Variants in TMEM132C observed in about 807,000 individuals in gnomAD.
TMEM132C encodes the protein protein phosphatase 1, regulatory subunit 152.
In TMEM132C, 29 loss-of-function variants were observed where a neutral mutation model predicts 61.4. The observed-to-expected ratio is 0.47, with a 90% CI of 0.35 to 0.64. The LOEUF (loss-of-function observed/expected upper bound fraction) is 0.64. Ranked by LOEUF, TMEM132C falls within the 30% of genes least tolerant of loss-of-function variation. The pLI, the probability that TMEM132C is intolerant of heterozygous loss-of-function variation, is 0.00. For synonymous variants in TMEM132C, 656 were observed against 633.1 expected (o/e 1.04, Z -0.54); for missense variants, 1,408 against 1,476.9 (o/e 0.95, Z 0.76).
chr12:128,630,291 G>A lies in TMEM132C; in HGVS notation c.1305+13956G>A, dbSNP rs1374241619. ...TGACGGCCCATGAGGGTCACTAGGG[G>A]GCAGGGGCTGGAGCTTCTGGCCACA... On this transcript the variant is annotated intron_variant, in intron 4 of 8. Transcript: ENST00000435159. The surrounding 1 kb of genome is among the most constrained non-coding windows in gnomAD (Gnocchi z 4.3). Among the ~76,000 whole-genome samples the A allele has an allele frequency of 6.6e-6, 1 of 152,154 alleles. No homozygotes were observed. The highest frequency in any genetic ancestry group is 1.5e-5 in the Non-Finnish European group (1 of 68,026).
At chr12:128,339,813 G>A (rs1872899776) in intron 1 of TMEM132C, among the ~76,000 whole-genome samples, 1 of 152,118 alleles carries the variant, frequency 6.6e-6, no homozygotes, top group Non-Finnish European at 1.5e-5. Context: ...CAGGCAACTT[G>A]TGGGCAGCTT....
At chr12:128,310,524 G>A (rs1871933314) in intron 1 of TMEM132C, among the ~76,000 whole-genome samples, 1 of 151,984 alleles carries the variant, frequency 6.6e-6, no homozygotes, top group Non-Finnish European at 1.5e-5. Flanking sequence ...AAGGGAGCAA[G>A]CAAGAGAGAG....
intron 2 of TMEM132C, among the ~76,000 whole-genome samples, chr12:128,433,223 G>A (rs1055389563): frequency 1.3e-5 from 2 of 152,002 alleles, no homozygotes; most frequent in Admixed American, 6.6e-5. Flanking sequence ...TCACTTTATT[G>A]TGATATTCAC....
At chr12:128,650,121 G>A (rs536964291) in intron 4 of TMEM132C, among the ~76,000 whole-genome samples, 1 of 152,316 alleles carries the variant, frequency 6.6e-6, no homozygotes, top group South Asian at 2.1e-4. Context: ...TTACTATTGT[G>A]AGTCTATGTT....
intron 1 of TMEM132C, among the ~76,000 whole-genome samples, chr12:128,376,492 C>G (rs1427263501): frequency 6.6e-6 from 1 of 152,126 alleles, no homozygotes; most frequent in East Asian, 1.9e-4. Context: ...ATATTTATTA[C>G]TACAAAAGAG....
intron 2 of TMEM132C, among the ~76,000 whole-genome samples, chr12:128,543,572 G>A (rs1873839354): frequency 6.6e-6 from 1 of 152,102 alleles, no homozygotes; most frequent in African/African-American, 2.4e-5. Context: ...CACACACACA[G>A]CCATGACAAC....
At chr12:128,440,463 C>T (rs1869745995) in intron 2 of TMEM132C, among the ~76,000 whole-genome samples, 1 of 152,212 alleles carries the variant, frequency 6.6e-6, no homozygotes, top group South Asian at 2.1e-4. Flanking sequence ...GGGACATCTC[C>T]AGGAAAGGGC....
chr12:128,696,136 C>G, intron 7 of TMEM132C, 33 bp downstream of exon 7: 1 of 1,542,470 alleles, frequency 6.5e-7, no homozygotes, highest in Non-Finnish European at 8.8e-7. Context: ...GTCCCCAGCA[C>G]TGGGCATGTG....
intron 5 of TMEM132C, among the ~76,000 whole-genome samples, chr12:128,671,956 T>G (rs1166286269): frequency 1.3e-5 from 2 of 152,144 alleles, no homozygotes; most frequent in Admixed American, 6.5e-5. Flanking sequence ...CACTGTCCAA[T>G]GGAAACACAA....
chr12:128,273,457 C>A (rs933824496), intron 1 of TMEM132C, among the ~76,000 whole-genome samples: 19 of 152,088 alleles, frequency 1.2e-4, no homozygotes, highest in African/African-American at 4.6e-4. Flanking sequence ...TGTTTATAGG[C>A]AGCATATAGT....
At chr12:128,501,482 T>C (rs1872178279) in intron 2 of TMEM132C, among the ~76,000 whole-genome samples, 1 of 152,218 alleles carries the variant, frequency 6.6e-6, no homozygotes, top group Admixed American at 6.5e-5. Flanking sequence ...ATCCTTATAA[T>C]GGTTACAGCT....
intron 4 of TMEM132C, among the ~76,000 whole-genome samples, chr12:128,639,043 GTGA>G (rs1191776663): frequency 2.6e-5 from 2 of 77,070 alleles, no homozygotes; most frequent in African/African-American, 1.0e-4. Context: ...GATGATGATG[GTGA>G]TAATGACAAT....
chr12:128,690,463 T>C (rs1423549868), intron 5 of TMEM132C, among the ~76,000 whole-genome samples: 3 of 152,204 alleles, frequency 2.0e-5, no homozygotes, highest in Non-Finnish European at 4.4e-5. Flanking sequence ...GGCTCTATCA[T>C]GCACGGCTAC....
chr12:128,514,424 T>A (rs1872658468), intron 2 of TMEM132C, among the ~76,000 whole-genome samples: 1 of 152,178 alleles, frequency 6.6e-6, no homozygotes, highest in Admixed American at 6.5e-5. Context: ...AGTGAGTAAT[T>A]TGCCCAAGGC....
At chr12:128,419,065 G>A (rs764856331) in intron 2 of TMEM132C, among the ~76,000 whole-genome samples, 1 of 152,052 alleles carries the variant, frequency 6.6e-6, no homozygotes, top group Non-Finnish European at 1.5e-5. Context: ...AATGAAACAG[G>A]CAACACTTCC....
chr12:128,678,673 C>T (rs1012058143), intron 5 of TMEM132C, among the ~76,000 whole-genome samples: 6 of 152,204 alleles, frequency 3.9e-5, no homozygotes, highest in African/African-American at 1.4e-4. Flanking sequence ...CTAGCAATGT[C>T]TGGAGACATT....
At chr12:128,368,724 T>G (rs1873943520) in intron 1 of TMEM132C, among the ~76,000 whole-genome samples, 1 of 152,250 alleles carries the variant, frequency 6.6e-6, no homozygotes. Context: ...GCATGTTTTC[T>G]GCTCACTGTT....
chr12:128,506,758 G>A (rs1872377256), intron 2 of TMEM132C, among the ~76,000 whole-genome samples: 1 of 152,112 alleles, frequency 6.6e-6, no homozygotes, highest in Non-Finnish European at 1.5e-5. Flanking sequence ...CCAAGGTTGG[G>A]CACATGAAGT....
At chr12:128,333,337 G>A (rs777297072) in intron 1 of TMEM132C, among the ~76,000 whole-genome samples, 1 of 152,108 alleles carries the variant, frequency 6.6e-6, no homozygotes, top group African/African-American at 2.4e-5. Context: ...AGTGTTGTGT[G>A]TATGTGTGTA....
Sources: allele counts gnomAD v4.1 joint callset (sites outside exome capture counted in the v4.1 genomes callset), GRCh38; gene constraint gnomAD v4.1.1; non-coding constraint Gnocchi (gnomAD v3.1); transcripts MANE v1.5; gene names NCBI Gene and HGNC (gene_info 2026-07-23, HGNC 2026-07-21).